GLCCI1: variants seen among roughly 807,000 people sequenced by gnomAD.
GLCCI1 encodes glucocorticoid-induced transcript 1 protein.
GLCCI1 carries 24 observed loss-of-function variants against 52.2 expected under a neutral mutation model. The ratio of observed to expected loss-of-function variants is 0.46; its 90% CI spans 0.33 to 0.65. The LOEUF (loss-of-function observed/expected upper bound fraction) is 0.65, where lower values mean the gene tolerates loss of function less well. Among genes scored for constraint, GLCCI1 ranks in the 30% least tolerant of loss-of-function variants. The pLI is 0.02. For synonymous variants in GLCCI1, 310 were observed against 276.5 expected (o/e 1.12, Z -1.20); for missense variants, 704 against 701.5 (o/e 1.00, Z -0.04).
rs35822583 is a variant in GLCCI1, at chr7:8,055,992, CAAAAA to C, written c.813+454_813+458del. Among the ~76,000 whole-genome samples the C allele has an allele frequency of 1.9e-3, 234 of 120,678 alleles. 1 individual carries two copies. Among genetic ancestry groups the C allele is most frequent in the African/African-American group, 7.1e-3 (223 of 31,480 alleles). The allele number at this position is 120,678 out of a possible 152,430, so 79.2% of individuals were successfully genotyped here. A position where few individuals can be genotyped will look rare whatever the true frequency, so the allele number is the denominator to read the frequency against. ...TGGGCGACAGAGCGAGACTCCGTCT[CAAAAA>C]AAAAAAAAAACAAAAACCAGCCAGG... On this transcript the variant is annotated intron_variant, in intron 4 of 7. Coordinates refer to ENST00000223145, the MANE Select transcript of GLCCI1 (RefSeq NM_138426.4).
intron 1 of GLCCI1, among the ~76,000 whole-genome samples, chr7:7,979,944 GTCTT>G (rs1300493217): frequency 6.6e-6 from 1 of 151,900 alleles, no homozygotes; most frequent in Non-Finnish European, 1.5e-5. Context: ...CTGTCTTTCT[GTCTT>G]TCTTTCTGGC....
chr7:7,984,551 T>G (rs1780684169), intron 1 of GLCCI1, among the ~76,000 whole-genome samples: 1 of 152,226 alleles, frequency 6.6e-6, no homozygotes, highest in Non-Finnish European at 1.5e-5. Context: ...AAGCAGATTT[T>G]GAGGTGGTTA....
chr7:8,009,052 A>T lies in GLCCI1; in HGVS notation c.609+4993A>T, dbSNP rs529683643. 2.6e-5 allele frequency among the ~76,000 whole-genome samples: 4 copies of T among 152,298 alleles called. No homozygotes were observed. In the East Asian group the frequency reaches 7.7e-4, roughly 29 times the overall value. ...ACCCGATTTGCACATTCACACGTTT[A>T]TTCTGAGGATTATAAGATACAGCTT... is the stretch of plus-strand genomic sequence containing the variant. On this transcript the variant is annotated intron_variant, in intron 2 of 7. Coordinates refer to ENST00000223145, the MANE Select transcript of GLCCI1 (RefSeq NM_138426.4).
chr7:8,062,828 C>T (rs1782547563), intron 5 of GLCCI1, among the ~76,000 whole-genome samples: 1 of 152,150 alleles, frequency 6.6e-6, no homozygotes, highest in African/African-American at 2.4e-5. Context: ...CATAGTATTC[C>T]ATGGTATATA....
At chr7:7,998,945 AT>A (rs1233333403) in intron 1 of GLCCI1, among the ~76,000 whole-genome samples, 1 of 151,918 alleles carries the variant, frequency 6.6e-6, no homozygotes, top group Non-Finnish European at 1.5e-5. Context: ...CTGTATTTTT[AT>A]TTTTTATTTT....
At chr7:8,061,409 C>T (rs12702693) in intron 5 of GLCCI1, among the ~76,000 whole-genome samples, 62,333 of 151,650 alleles carry the variant, frequency 0.41, 13,045 homozygotes, top group Middle Eastern at 0.52. Flanking sequence ...CTTTAGTGGT[C>T]ATTTGTATAT....
intron 6 of GLCCI1, 85 bp downstream of exon 6, chr7:8,071,216 T>G (rs985847506): frequency 9.1e-7 from 1 of 1,097,078 alleles, no homozygotes; most frequent in Non-Finnish European, 1.3e-6. Context: ...CTTTTTTTTT[T>G]TCTTTTGTTC....
chr7:8,074,676 G>C (rs6977376), intron 6 of GLCCI1, among the ~76,000 whole-genome samples: 112,401 of 152,006 alleles, frequency 0.74, 42,010 homozygotes, highest in African/African-American at 0.85. Context: ...CAGAGCAAGA[G>C]TCCATCTCAA....
chr7:7,994,713 C>A (rs1352736537), intron 1 of GLCCI1, among the ~76,000 whole-genome samples: 1 of 152,190 alleles, frequency 6.6e-6, no homozygotes, highest in Non-Finnish European at 1.5e-5. Flanking sequence ...TTCTTCCTTG[C>A]TGTCTGTCTG....
rs964360903 is a variant in GLCCI1, at chr7:8,088,456, T to A, written c.*1918T>A. 2.2e-4 allele frequency: 34 copies of A among 152,586 alleles called. No individual in the cohort carries two copies. Among genetic ancestry groups the A allele is most frequent in the African/African-American group, 8.0e-4 (33 of 41,430 alleles). The allele number at this position is 152,586 out of a possible 1,614,324, so 9.5% of individuals were successfully genotyped here. On this transcript the variant is annotated 3_prime_UTR_variant, in exon 8 of 8. Coordinates refer to ENST00000223145, the MANE Select transcript of GLCCI1 (RefSeq NM_138426.4). The stretch of plus-strand genomic sequence containing the variant: ...TTCACAGGGGAACCTTTTAAAACAA[T>A]CTTTTCAGCAGCAGATACCTTTAAC...
At chr7:8,076,647 C>T (rs1158551092) in intron 6 of GLCCI1, among the ~76,000 whole-genome samples, 2 of 152,090 alleles carry the variant, frequency 1.3e-5, no homozygotes, top group African/African-American at 4.8e-5. Flanking sequence ...TCAGTTTTAG[C>T]CATTATTGCT....
chr7:8,082,495 C>G (rs1463697765), intron 6 of GLCCI1, among the ~76,000 whole-genome samples: 1 of 152,042 alleles, frequency 6.6e-6, no homozygotes, highest in African/African-American at 2.4e-5. Context: ...CATACTTAAC[C>G]TGAAGAAAAA....
intron 6 of GLCCI1, among the ~76,000 whole-genome samples, chr7:8,084,284 G>A (rs956603899): frequency 1.6e-4 from 24 of 152,158 alleles, no homozygotes; most frequent in African/African-American, 5.1e-4. Context: ...ATGTCTTCTA[G>A]TAGCAAAAAT....
intron 1 of GLCCI1, among the ~76,000 whole-genome samples, chr7:7,979,697 C>A (rs1312038553): frequency 6.6e-6 from 1 of 152,112 alleles, no homozygotes; most frequent in Non-Finnish European, 1.5e-5. Context: ...TTGAATGTGG[C>A]TTCTTGTGTA....
intron 3 of GLCCI1, among the ~76,000 whole-genome samples, chr7:8,030,213 C>G (rs1006684457): frequency 1.3e-5 from 2 of 152,116 alleles, no homozygotes; most frequent in African/African-American, 4.8e-5. Flanking sequence ...ACCAATGGAA[C>G]AGAACAGAGA....
chr7:8,042,494 G>A (rs1275465702), intron 3 of GLCCI1, among the ~76,000 whole-genome samples: 1 of 152,206 alleles, frequency 6.6e-6, no homozygotes, highest in African/African-American at 2.4e-5. Context: ...AGATGTGGTG[G>A]AAATAGCAAG....
At chr7:8,083,193 G>A (rs1286520486) in intron 6 of GLCCI1, among the ~76,000 whole-genome samples, 2 of 152,078 alleles carry the variant, frequency 1.3e-5, no homozygotes, top group East Asian at 3.9e-4. Context: ...TTTGATACAC[G>A]TATGTAGTGT....
intron 1 of GLCCI1, among the ~76,000 whole-genome samples, chr7:7,987,902 C>T (rs1780768366): frequency 6.6e-6 from 1 of 152,014 alleles, no homozygotes; most frequent in African/African-American, 2.4e-5. Flanking sequence ...AAATGCGTAT[C>T]TCTGAAAAGA....
chr7:8,052,614 CT>C (rs1449150220), intron 3 of GLCCI1, among the ~76,000 whole-genome samples: 1 of 152,166 alleles, frequency 6.6e-6, no homozygotes, highest in East Asian at 1.9e-4. Flanking sequence ...AGCAGTCTGC[CT>C]TGGGGCAGGA....
Sources: gnomAD v4.1 joint callset for allele counts (sites outside exome capture counted in the v4.1 genomes callset) on GRCh38, gnomAD v4.1.1 for gene constraint, MANE v1.5 for transcripts, NCBI Gene and HGNC (gene_info 2026-07-23, HGNC 2026-07-21) for gene names.